The following IFT122 variants were observed in gnomAD, a reference collection of about 807,000 sequenced individuals.
IFT122 encodes the protein intraflagellar transport protein 122 homolog.
IFT122 carries 118 observed loss-of-function variants against 161.6 expected under a neutral mutation model. The observed-to-expected ratio is 0.73, with a 90% CI of 0.63 to 0.85. IFT122 has a LOEUF of 0.85. Among genes scored for constraint, IFT122 ranks in the 40% least tolerant of loss-of-function variants. The pLI is 0.00. For synonymous variants in IFT122, 550 were observed against 602.4 expected (o/e 0.91, Z 1.27); for missense variants, 1,381 against 1,579.6 (o/e 0.87, Z 2.13).
In IFT122 at chr3:129,440,368, A is replaced by C. The variant is rs1202494107; in HGVS notation, c.38A>C (p.His13Pro). The change falls in exon 1 of 30, where the codon CAC (histidine) becomes CCC (proline). Residue 13 changes from histidine to proline, a missense_variant. This residue lies in a region of IFT122 where 134 missense variants were observed against 137.4 expected (regional missense o/e 0.98). Coordinates refer to ENST00000348417, the MANE Select transcript of IFT122 (RefSeq NM_052989.3). ...AVLTWRDKAEHCINDIAFKPD... is the reference protein window; with the variant it reads ...AVLTWRDKAEPCINDIAFKPD... Reference sequence around the variant, plus strand: ...TTGACGTGGAGAGATAAAGCCGAGCACTGGTGAGGAGCGGGGCGGTTCGCG... The same window carrying C: ...TTGACGTGGAGAGATAAAGCCGAGCCCTGGTGAGGAGCGGGGCGGTTCGCG... 1.3e-6 allele frequency: 2 copies of C among 1,550,506 alleles called. No homozygotes were observed. Among genetic ancestry groups the C allele is most frequent in the Non-Finnish European group, 1.7e-6 (2 of 1,146,800 alleles).
In IFT122 at chr3:129,476,615, C is replaced by A. The variant is rs765940823; in HGVS notation, c.1009-48C>A. The A allele has an allele frequency of 7.4e-6, 12 of 1,614,140 alleles. No homozygotes were observed. In the South Asian group the frequency reaches 1.3e-4, roughly 18 times the overall value. On this transcript the variant is annotated intron_variant, in intron 10 of 29. Transcript: ENST00000348417. ...TTTGTGTCTGACAAATGGGGGAATGCAGACTTTCTCCAGAGAGCTGGGAAT... is the reference window on the plus strand; with the variant it reads ...TTTGTGTCTGACAAATGGGGGAATGAAGACTTTCTCCAGAGAGCTGGGAAT...
At chr3:129,479,392 C>T (rs910684466) in intron 12 of IFT122, among the ~76,000 whole-genome samples, 8 of 151,996 alleles carry the variant, frequency 5.3e-5, no homozygotes, top group Admixed American at 6.6e-5. Flanking sequence ...GCTATGATAG[C>T]GCCACTACAC....
intron 12 of IFT122, 114 bp from the exon 13 acceptor site, chr3:129,479,671 T>G (rs1309881546): frequency 3.1e-6 from 4 of 1,297,616 alleles, no homozygotes; most frequent in Non-Finnish European, 4.4e-6. Context: ...GTTAGATAGA[T>G]GGATACTGAA....
chr3:129,514,186 A>G (rs796456720), intron 24 of IFT122: 1 of 699,942 alleles, frequency 1.4e-6, no homozygotes, highest in African/African-American at 1.8e-5. Context: ...CGCTGTTTTT[A>G]TCTTTGGAAA....
At chr3:129,451,873 T>G (rs367859332) in intron 2 of IFT122, 41 bp from the exon 3 acceptor site, 4 of 1,502,070 alleles carry the variant, frequency 2.7e-6, no homozygotes, top group East Asian at 2.3e-5. Flanking sequence ...TTCTGACTAA[T>G]AGATATCACA....
At chr3:129,462,737 C>T (rs1328327200) in intron 5 of IFT122, among the ~76,000 whole-genome samples, 1 of 152,186 alleles carries the variant, frequency 6.6e-6, no homozygotes, top group South Asian at 2.1e-4. Context: ...GATTGTACTT[C>T]GCAACTTGGC....
At position 129,513,886 on chromosome 3, in the gene IFT122, C is replaced by CAGGTG. The variant is rs1553772869; in HGVS notation, c.2988-500_2988-499insTGAGG. ...GGAGCTTCAAGGGGGCCCCAGAGCACAGGCTGCCGCTCAGAAACTGCCCAC... is the reference window on the plus strand; with the variant it reads ...GGAGCTTCAAGGGGGCCCCAGAGCACAGGTGAGGCTGCCGCTCAGAAACTGCCCAC... On this transcript the variant is annotated intron_variant, in intron 24 of 29. Transcript: ENST00000348417. The CAGGTG allele has an allele frequency of 3.3e-5, 9 of 271,804 alleles. No individual in the cohort carries two copies. In the Admixed American group the frequency reaches 3.5e-4, roughly 11 times the overall value. 16.8% of individuals were successfully genotyped at this position (271,804 alleles called of 1,614,324 possible). A position where few individuals can be genotyped will look rare whatever the true frequency, so the allele number is the denominator to read the frequency against.
chr3:129,453,107 G>A (rs2075047726), intron 3 of IFT122, among the ~76,000 whole-genome samples: 1 of 152,164 alleles, frequency 6.6e-6, no homozygotes, highest in South Asian at 2.1e-4. Flanking sequence ...TTTGAGAAAA[G>A]TTGATGATGT....
At chr3:129,518,692 G>A (rs1578243451) in intron 27 of IFT122, among the ~76,000 whole-genome samples, 1 of 152,262 alleles carries the variant, frequency 6.6e-6, no homozygotes, top group East Asian at 1.9e-4. Context: ...GGAGAGGGGC[G>A]GTTTCCAGGG....
chr3:129,449,884 G>A lies in IFT122; in HGVS notation c.55G>A (p.Ala19Thr), dbSNP rs749466359. ...DKAEHCINDI[A>T]FKPDGTQLIL... ...TCTTCTGTTCAGTATAAATGACATC[G>A]CATTTAAGCCTGATGGAACTCAACT... Residue 19 changes from alanine to threonine, a missense_variant, in exon 2 of 30, where the codon GCA becomes ACA. Coordinates refer to ENST00000348417, the MANE Select transcript of IFT122 (RefSeq NM_052989.3). 10 of 1,611,748 alleles carry A rather than the reference G, an allele frequency of 6.2e-6. No individual in the cohort carries two copies. The African/African-American group carries it at 8.0e-5, about 13-fold the overall frequency.
chr3:129,513,878 C>T (rs1292726911), intron 24 of IFT122: 5 of 233,378 alleles, frequency 2.1e-5, no homozygotes, highest in South Asian at 4.4e-5. Context: ...CAAGGGGGCC[C>T]CAGAGCACAG....
rs199806189 is a variant in IFT122 at position 129,483,520 on chromosome 3, G to T, written c.1689G>T (p.Gln563His). The T allele has an allele frequency of 6.8e-6, 11 of 1,613,998 alleles. No homozygotes were observed. The East Asian group carries it at 2.5e-4, about 36-fold the overall frequency. The change falls in exon 15 of 30, where the codon CAG (glutamine) becomes CAT (histidine). Residue 563 changes from glutamine to histidine, a missense_variant. Around this residue, in one of 7 missense-constraint regions of IFT122, gnomAD observed 544 missense variants for 648.0 expected, o/e 0.84. Transcript: ENST00000348417. ...CCAACAGTGTAGCTTGGAACACCCAGTGTGAGGACATGCTCTGCTTCTCGG... is the reference window on the plus strand; with the variant it reads ...CCAACAGTGTAGCTTGGAACACCCATTGTGAGGACATGCTCTGCTTCTCGG... Reference protein sequence around the residue: ...PNANSVAWNTQCEDMLCFSGG... With the variant: ...PNANSVAWNTHCEDMLCFSGG...
At chr3:129,464,598 C>A (rs1425998795) in intron 6 of IFT122, 37 bp from the exon 7 acceptor site, 1 of 1,613,860 alleles carries the variant, frequency 6.2e-7, no homozygotes, top group Non-Finnish European at 8.5e-7. Context: ...TGGGGTGCTT[C>A]CCCTATCCCC....
At chr3:129,450,942 G>C (rs912517681) in intron 2 of IFT122, among the ~76,000 whole-genome samples, 2 of 151,768 alleles carry the variant, frequency 1.3e-5, no homozygotes, top group Non-Finnish European at 2.9e-5. Flanking sequence ...GGATGGTCTC[G>C]ATCTCCTGAC....
At chr3:129,478,602 A>G (rs117899459) in intron 12 of IFT122, among the ~76,000 whole-genome samples, 3,374 of 152,176 alleles carry the variant, frequency 0.022, 118 homozygotes, top group East Asian at 0.13. Context: ...ATGCCACCAC[A>G]CCCAACTAAT....
chr3:129,518,691 C>T (rs555019632), intron 27 of IFT122, among the ~76,000 whole-genome samples: 2 of 152,256 alleles, frequency 1.3e-5, no homozygotes, highest in African/African-American at 2.4e-5. Flanking sequence ...GGGAGAGGGG[C>T]GGTTTCCAGG....
intron 6 of IFT122, among the ~76,000 whole-genome samples, chr3:129,464,386 C>G (rs1199472200): frequency 2.6e-5 from 4 of 152,152 alleles, no homozygotes; most frequent in Non-Finnish European, 1.5e-5. Flanking sequence ...GAGGTATGTA[C>G]AGAGGGCTGG....
At position 129,502,701 on chromosome 3, in the gene IFT122, C is replaced by G; in HGVS notation, c.2376-10C>G. 6.2e-7 allele frequency: 1 copy of G among 1,605,124 alleles called. No individual in the cohort carries two copies. The highest frequency in any genetic ancestry group is 1.1e-5 in the South Asian group (1 of 91,086). On this transcript the variant is annotated splice_polypyrimidine_tract_variant and intron_variant, in intron 19 of 29. Transcript: ENST00000348417. ...GAGCCCACCCTCCTACCTGCCCCTT[C>G]CCTCTCCAGGTTGATCGACATCGCC... is the stretch of plus-strand genomic sequence containing the variant.
chr3:129,441,724 A>G (rs2073155114), intron 1 of IFT122, among the ~76,000 whole-genome samples: 1 of 152,238 alleles, frequency 6.6e-6, no homozygotes, highest in African/African-American at 2.4e-5. Flanking sequence ...TGTTTTCCCT[A>G]GGAATAGTCT....
Sources: allele counts gnomAD v4.1 joint callset (sites outside exome capture counted in the v4.1 genomes callset), GRCh38; gene constraint gnomAD v4.1.1; regional missense constraint gnomAD v4.1.1; transcripts MANE v1.5; gene names NCBI Gene and HGNC (gene_info 2026-07-23, HGNC 2026-07-21).